Variants in TEK observed in about 807,000 individuals in gnomAD.
TEK encodes TEK receptor tyrosine kinase.
TEK carries 43 observed loss-of-function variants against 131.8 expected under a neutral mutation model. That is an observed-to-expected ratio of 0.33 (90% CI 0.26 to 0.42). TEK has a LOEUF of 0.42. Ranked by LOEUF, TEK falls within the 10% of genes least tolerant of loss-of-function variation. The probability of loss-of-function intolerance (pLI) is 1.00; values close to 1 mark genes in which losing one functional copy is unlikely to be tolerated. For synonymous variants in TEK, 580 were observed against 491.6 expected (o/e 1.18, Z -2.38); for missense variants, 1,162 against 1,384.4 (o/e 0.84, Z 2.55).
chr9:27,218,626 A>C, intron 19 of TEK, 151 bp from the exon 20 acceptor site: 1 of 774,020 alleles, frequency 1.3e-6, no homozygotes, highest in Non-Finnish European at 2.3e-6. Flanking sequence ...AGAGGAGAGA[A>C]ACCTACACTG....
intron 21 of TEK, among the ~76,000 whole-genome samples, chr9:27,221,394 A>G (rs1826072970): frequency 6.6e-6 from 1 of 152,190 alleles, no homozygotes; most frequent in African/African-American, 2.4e-5. Context: ...AGAGCAGTGG[A>G]TCTCCCAGCA....
intron 20 of TEK, among the ~76,000 whole-genome samples, 178 bp downstream of exon 20, chr9:27,218,995 C>G (rs879654431): frequency 1.3e-5 from 2 of 152,102 alleles, no homozygotes; most frequent in Non-Finnish European, 2.9e-5. Flanking sequence ...AAGCCTTATA[C>G]CTAACGTCAT....
intron 9 of TEK, among the ~76,000 whole-genome samples, chr9:27,189,016 G>A (rs978571701): frequency 4.6e-5 from 7 of 152,256 alleles, no homozygotes; most frequent in African/African-American, 1.7e-4. Context: ...GTCTAAGGAA[G>A]GTGAGCCAAA....
Position 27,137,772 on chromosome 9 carries a change from A to C in TEK, c.53-20059A>C, listed in dbSNP as rs138938718. On this transcript the variant is annotated intron_variant, in intron 1 of 22. Coordinates refer to ENST00000380036, the MANE Select transcript of TEK (RefSeq NM_000459.5). ...CTACCCACACCTAAGAACATCTTTT[A>C]GACTTCTCATTTTTCTCTTTAGTTA... Among the ~76,000 whole-genome samples, 707 of 152,262 alleles carry C rather than the reference A, an allele frequency of 4.6e-3. 7 individuals are homozygous for C. The highest frequency in any genetic ancestry group is 0.015 in the African/African-American group (639 of 41,558).
intron 2 of TEK, among the ~76,000 whole-genome samples, chr9:27,158,897 G>C (rs1404940830): frequency 1.3e-5 from 2 of 152,218 alleles, no homozygotes; most frequent in Non-Finnish European, 2.9e-5. Context: ...TAGACCTCGT[G>C]ATCTGCCCGC....
intron 1 of TEK, among the ~76,000 whole-genome samples, chr9:27,151,147 C>T (rs907000710): frequency 2.6e-5 from 4 of 152,036 alleles, no homozygotes; most frequent in Non-Finnish European, 5.9e-5. Context: ...TGTTAGCTGC[C>T]CAATATCTTC....
intron 9 of TEK, 137 bp from the exon 10 acceptor site, chr9:27,190,392 G>A (rs1824772804): frequency 1.0e-6 from 1 of 964,404 alleles, no homozygotes; most frequent in Non-Finnish European, 1.6e-6. Flanking sequence ...TAGAGAGCAG[G>A]TGATCTCACT....
chr9:27,213,147 T>C (rs539824400), intron 17 of TEK, among the ~76,000 whole-genome samples: 20 of 152,308 alleles, frequency 1.3e-4, no homozygotes, highest in African/African-American at 4.6e-4. Flanking sequence ...TATGCAAATT[T>C]TATAATTTTC....
intron 9 of TEK, among the ~76,000 whole-genome samples, chr9:27,189,836 G>T (rs951492368): frequency 6.8e-6 from 1 of 147,048 alleles, no homozygotes; most frequent in African/African-American, 2.6e-5. Flanking sequence ...TAATAAATTT[G>T]AGTTGTTTGG....
chr9:27,157,495 A>C (rs989250057), intron 1 of TEK, among the ~76,000 whole-genome samples: 18 of 152,342 alleles, frequency 1.2e-4, no homozygotes, highest in Non-Finnish European at 2.4e-4. Flanking sequence ...GAATAATGAT[A>C]ATGTCATTAT....
intron 12 of TEK, among the ~76,000 whole-genome samples, chr9:27,199,486 A>G (rs992367947): frequency 3.9e-5 from 6 of 152,052 alleles, no homozygotes; most frequent in Admixed American, 6.5e-5. Flanking sequence ...TTTTCCTTAT[A>G]CCCATCTCTA....
At position 27,144,896 on chromosome 9, in the gene TEK, C is replaced by A. The variant is rs376411767; in HGVS notation, c.53-12935C>A. On this transcript the variant is annotated intron_variant, in intron 1 of 22. Transcript: ENST00000380036. Reference sequence around the variant, plus strand: ...ACATATAGGGAGGGAAAAGAGAATTCTTGGAGCAAAATATTGGGAGAGTAT... The same window carrying A: ...ACATATAGGGAGGGAAAAGAGAATTATTGGAGCAAAATATTGGGAGAGTAT... Among the ~76,000 whole-genome samples the A allele has an allele frequency of 1.1e-4, 17 of 152,266 alleles. No individual in the cohort carries two copies. The South Asian group carries it at 2.1e-3, about 19-fold the overall frequency.
intron 20 of TEK, 60 bp from the exon 21 acceptor site, chr9:27,219,989 G>T (rs1348759828): frequency 1.2e-5 from 18 of 1,558,874 alleles, no homozygotes; most frequent in Non-Finnish European, 1.6e-5. Flanking sequence ...AGAAACCCTG[G>T]ACAGGAAGCA....
Position 27,172,737 on chromosome 9 carries a change from G to A in TEK, c.750G>A (p.Thr250=), listed in dbSNP as rs76324455. 7.5e-4 allele frequency: 1,209 copies of A among 1,613,548 alleles called. 7 individuals are homozygous for A. The African/African-American group carries it at 0.013, about 18-fold the overall frequency. The change falls in exon 5 of 23, where the codon ACG becomes ACA. Residue 250 remains threonine (T), a synonymous_variant. Coordinates refer to ENST00000380036, the MANE Select transcript of TEK (RefSeq NM_000459.5). ...GCCCTCCTGGGTTTATGGGAAGGAC[G>A]TGTGAGAAGGGTAAGTAAAGAGACT... ...CICPPGFMGR[T]CEKACELHTF...
intron 1 of TEK, among the ~76,000 whole-genome samples, chr9:27,151,300 A>T (rs1316083990): frequency 1.3e-5 from 2 of 152,062 alleles, no homozygotes; most frequent in Non-Finnish European, 2.9e-5. Context: ...GGCAGAAAAG[A>T]TACTGAAAAT....
At chr9:27,137,999 G>A (rs1460942341) in intron 1 of TEK, among the ~76,000 whole-genome samples, 3 of 152,058 alleles carry the variant, frequency 2.0e-5, no homozygotes, top group Non-Finnish European at 2.9e-5. Flanking sequence ...GCTGACTTCA[G>A]GAGTGAAGCC....
intron 20 of TEK, among the ~76,000 whole-genome samples, chr9:27,219,833 G>T (rs1825989544): frequency 8.0e-6 from 1 of 125,390 alleles, no homozygotes; most frequent in African/African-American, 2.9e-5. Context: ...GCCTGTGGTG[G>T]TTCCTTCCCC....
intron 16 of TEK, among the ~76,000 whole-genome samples, chr9:27,212,146 C>T (rs1825658309): frequency 6.6e-6 from 1 of 152,070 alleles, no homozygotes; most frequent in Admixed American, 6.6e-5. Context: ...CCTCTGGTGG[C>T]CAGAGACCCA....
chr9:27,217,226 T>G (rs1340936108), intron 18 of TEK, among the ~76,000 whole-genome samples: 1 of 152,180 alleles, frequency 6.6e-6, no homozygotes, highest in East Asian at 1.9e-4. Context: ...CCTAAACATC[T>G]TATAGAACCA....
Sources: gnomAD v4.1 joint callset for allele counts (sites outside exome capture counted in the v4.1 genomes callset) on GRCh38, gnomAD v4.1.1 for gene constraint, MANE v1.5 for transcripts, NCBI Gene and HGNC (gene_info 2026-07-23, HGNC 2026-07-21) for gene names.